Variants in CLSTN3 observed in about 807,000 individuals in gnomAD.
CLSTN3 encodes calsyntenin 3.
A neutral mutation model predicts 95.9 loss-of-function variants in CLSTN3; 36 were observed. The ratio of observed to expected loss-of-function variants is 0.38; its 90% CI spans 0.29 to 0.50. The LOEUF (loss-of-function observed/expected upper bound fraction) is 0.50, where lower values mean the gene tolerates loss of function less well. CLSTN3 is among the 20% of genes least tolerant of loss of function. The pLI, the probability that CLSTN3 is intolerant of heterozygous loss-of-function variation, is 0.95. For synonymous variants in CLSTN3, 481 were observed against 504.0 expected, an observed-to-expected ratio of 0.95 and a Z score of 0.61; for missense variants, 1,084 against 1,268.8, an observed-to-expected ratio of 0.85 and a Z score of 2.21.
chr12:7,145,556 C>A (rs753226305), intron 12 of CLSTN3, among the ~76,000 whole-genome samples: 5 of 151,682 alleles, frequency 3.3e-5, no homozygotes, highest in Non-Finnish European at 7.4e-5. Context: ...GCAAGTTTTC[C>A]TGAAGTTTTT....
At position 7,133,696 on chromosome 12, in the gene CLSTN3, A is replaced by G. The variant is rs1176268212; in HGVS notation, c.311A>G (p.Glu104Gly). ...CCTGTGGACTGCGAGGCCCAGAAGG[A>G]ACACACCTTCACCATCCAGGCCTAT... ...KEPVDCEAQKEHTFTIQAYDC... is the reference protein window; with the variant it reads ...KEPVDCEAQKGHTFTIQAYDC... Residue 104 changes from glutamate (E) to glycine (G), a missense_variant, in exon 3 of 18, where the codon GAA becomes GGA. Glu to Gly is a moderately conservative substitution (Grantham distance 98). Transcript: ENST00000266546. The surrounding 1 kb of genome is among the most constrained non-coding windows in gnomAD (Gnocchi z 4.7). 6.2e-7 allele frequency: 1 copy of G among 1,613,788 alleles called. No individual in the cohort carries two copies. The highest frequency in any genetic ancestry group is 8.5e-7 in the Non-Finnish European group (1 of 1,179,926).
At position 7,158,277 on chromosome 12, in the gene CLSTN3, T is replaced by G; in HGVS notation, c.*196T>G. The G allele has an allele frequency of 1.7e-6, 1 of 586,654 alleles. No individual in the cohort carries two copies. Among genetic ancestry groups the G allele is most frequent in the East Asian group, 3.1e-5 (1 of 32,332 alleles). 36.3% of individuals were successfully genotyped at this position (586,654 alleles called of 1,614,324 possible). On this transcript the variant is annotated 3_prime_UTR_variant, in exon 18 of 18. Transcript: ENST00000266546. Reference sequence around the variant, plus strand: ...CCTCCCCCGGCCCCCCATCCCTCACTTCTGGGCTGTCATGCTCCTGGTGTG... The same window carrying G: ...CCTCCCCCGGCCCCCCATCCCTCACGTCTGGGCTGTCATGCTCCTGGTGTG...
intron 5 of CLSTN3, 54 bp downstream of exon 5, chr12:7,136,007 T>C (rs1939407196): frequency 1.9e-6 from 3 of 1,557,280 alleles, no homozygotes; most frequent in Admixed American, 1.9e-5. Flanking sequence ...TCTTGGTCTC[T>C]CTTTCTGTCC....
intron 5 of CLSTN3, 24 bp from the exon 6 acceptor site, chr12:7,136,182 A>G (rs756419387): frequency 1.9e-5 from 30 of 1,607,982 alleles, no homozygotes; most frequent in Non-Finnish European, 2.3e-5. Context: ...TCTCCCCATC[A>G]CCCTCTCTGT....
intron 8 of CLSTN3, chr12:7,138,829 C>CAAAAAAAAAAAAAAAAAAA (rs5796259): frequency 2.3e-5 from 1 of 43,192 alleles, no homozygotes; most frequent in Non-Finnish European, 3.8e-5. Context: ...AAGCAAACGG[C>CAAAAAAAAAAAAAAAAAAA]AAAAAAAAAA....
At chr12:7,142,829 T>C in intron 10 of CLSTN3, 40 bp from the exon 11 acceptor site, 1 of 1,585,376 alleles carries the variant, frequency 6.3e-7, no homozygotes, top group Non-Finnish European at 8.6e-7. Context: ...CATCCTCCTC[T>C]CTTCTCACCT....
rs570643144 is a variant in CLSTN3, at chr12:7,154,674, C to T, written c.2528-2815C>T. 1.2e-4 allele frequency among the ~76,000 whole-genome samples: 18 copies of T among 152,212 alleles called. No homozygotes were observed. The South Asian group carries it at 3.7e-3, about 32-fold the overall frequency. On this transcript the variant is annotated intron_variant, in intron 16 of 17. Coordinates refer to ENST00000266546, the MANE Select transcript of CLSTN3 (RefSeq NM_014718.4). ...CCCTAGAATGTCTAGGGGGTGGGAG[C>T]CACGTGTCAGTGGTTTTTAAAAATC...
At chr12:7,151,735 C>A (rs987297088) in intron 16 of CLSTN3, among the ~76,000 whole-genome samples, 2 of 151,952 alleles carry the variant, frequency 1.3e-5, no homozygotes, top group Non-Finnish European at 2.9e-5. Context: ...GTAGAAAAAC[C>A]AGAAAATATC....
chr12:7,129,918 A>G (rs1939246835), upstream of CLSTN3: 1 of 567,306 alleles, frequency 1.8e-6, no homozygotes, highest in African/African-American at 2.0e-5. The surrounding 1 kb of genome is among the most constrained non-coding windows in gnomAD (Gnocchi z 5.5). Flanking sequence ...GCTTCCTCGC[A>G]GCCCTGGGCT....
chr12:7,133,214 A>C lies in CLSTN3; in HGVS notation c.187+68A>C. 4.5e-5 allele frequency: 32 copies of C among 715,806 alleles called. No homozygotes were observed. The highest frequency in any genetic ancestry group is 7.8e-5 in the East Asian group (2 of 25,584). 44.3% of individuals were successfully genotyped at this position (715,806 alleles called of 1,614,324 possible). A position where few individuals can be genotyped will look rare whatever the true frequency, so the allele number is the denominator to read the frequency against. On this transcript the variant is annotated intron_variant, in intron 2 of 17. Transcript: ENST00000266546. The surrounding 1 kb of genome is among the most constrained non-coding windows in gnomAD (Gnocchi z 4.7). Reference sequence around the variant, plus strand: ...AAAGTGGGTGGGAGGGCCAAGAGCAAGGGAGGGAGGGAAGGTCCTGGGAGT... The same window carrying C: ...AAAGTGGGTGGGAGGGCCAAGAGCACGGGAGGGAGGGAAGGTCCTGGGAGT...
Position 7,136,318 on chromosome 12 carries a change from G to C in CLSTN3, c.855G>C (p.Glu285Asp). The change falls in exon 6 of 18, where the codon GAG becomes GAC. Residue 285 changes from glutamate to aspartate, a missense_variant. Glu to Asp is a conservative substitution (Grantham distance 45, BLOSUM62 2). Transcript: ENST00000266546. ...EPLWNIQATI[E>D]LQTSHVAKGC... Reference sequence around the variant, plus strand: ...TCTGGAACATTCAGGCCACCATAGAGCTGCAGACCAGCCATGTGGCCAAGG... The same window carrying C: ...TCTGGAACATTCAGGCCACCATAGACCTGCAGACCAGCCATGTGGCCAAGG... 6.2e-7 allele frequency: 1 copy of C among 1,614,202 alleles called. No homozygotes were observed. The highest frequency in any genetic ancestry group is 1.1e-5 in the South Asian group (1 of 91,080).
rs56109046 is a variant in CLSTN3 at position 7,147,396 on chromosome 12, C to CAAAAAA, written c.1848-1552_1848-1547dup. Among the ~76,000 whole-genome samples the CAAAAAA allele has an allele frequency of 3.0e-3, 153 of 50,560 alleles. 2 individuals are homozygous for CAAAAAA. The highest frequency in any genetic ancestry group is 7.4e-3 in the South Asian group (5 of 678). The allele number at this position is 50,560 out of a possible 152,430, so 33.2% of individuals were successfully genotyped here. On this transcript the variant is annotated intron_variant, in intron 12 of 17. Transcript: ENST00000266546. ...CCTGGGCAACAGAGAGAGACTCTGC[C>CAAAAAA]AAAAAAAAAAAAAAAAAAAAAAAAA...
In CLSTN3 at chr12:7,137,141, G is replaced by A. The variant is rs761333916; in HGVS notation, c.1210+31G>A. ...CCTCCCCTCCAGGCACTAGCCAGAG[G>A]GGGAAACTGGCTTCTTGTCCCGCCT... On this transcript the variant is annotated intron_variant, in intron 7 of 17. Transcript: ENST00000266546. The surrounding 1 kb of genome is among the most constrained non-coding windows in gnomAD (Gnocchi z 4.4). 6.4e-6 allele frequency: 10 copies of A among 1,570,332 alleles called. No homozygotes were observed. The African/African-American group carries it at 1.3e-4, about 21-fold the overall frequency.
rs750884839 is a variant in CLSTN3, at chr12:7,142,828, C to G, written c.1541-41C>G. 6.3e-6 allele frequency: 10 copies of G among 1,586,950 alleles called. No individual in the cohort carries two copies. In the Admixed American group the frequency reaches 1.7e-4, roughly 27 times the overall value. On this transcript the variant is annotated intron_variant, in intron 10 of 17. Transcript: ENST00000266546. ...AGCCTTCGTCCTTTTCCATCCTCCT[C>G]TCTTCTCACCTCCCGTCCTGCTCCT...
At chr12:7,138,321 A>G (rs1018784390) in intron 8 of CLSTN3, among the ~76,000 whole-genome samples, 1 of 151,928 alleles carries the variant, frequency 6.6e-6, no homozygotes, top group Admixed American at 6.6e-5. Context: ...TCGACCAACC[A>G]TCTATTTCCT....
rs149562948 is a variant in CLSTN3 at position 7,143,219 on chromosome 12, C to T, written c.1755C>T (p.Thr585=). 49 of 1,614,136 alleles carry T rather than the reference C, an allele frequency of 3.0e-5. No individual in the cohort carries two copies. In the African/African-American group the frequency reaches 6.1e-4, roughly 20 times the overall value. ...LLTLEGDDVE[T]FNHALQHVAY... is the part of the protein sequence containing the mutation. ...CCCTGGAGGGGGATGATGTGGAGACCTTCAACCATGCCCTGCAGCATGTGG... is the reference window on the plus strand; with the variant it reads ...CCCTGGAGGGGGATGATGTGGAGACTTTCAACCATGCCCTGCAGCATGTGG... The change falls in exon 12 of 18, where the codon ACC becomes ACT. Residue 585 remains threonine (T), a synonymous_variant. Coordinates refer to ENST00000266546, the MANE Select transcript of CLSTN3 (RefSeq NM_014718.4).
chr12:7,137,167 C>T lies in CLSTN3; in HGVS notation c.1210+57C>T. The T allele has an allele frequency of 6.5e-7, 1 of 1,528,862 alleles. No homozygotes were observed. 94.7% of individuals were successfully genotyped at this position (1,528,862 alleles called of 1,614,324 possible). On this transcript the variant is annotated intron_variant, in intron 7 of 17. Coordinates refer to ENST00000266546, the MANE Select transcript of CLSTN3 (RefSeq NM_014718.4). The surrounding 1 kb of genome is among the most constrained non-coding windows in gnomAD (Gnocchi z 4.4). Reference sequence around the variant, plus strand: ...GGGAAACTGGCTTCTTGTCCCGCCTCTGTCACTGCCCAGTGTGTGACTGTG... The same window carrying T: ...GGGAAACTGGCTTCTTGTCCCGCCTTTGTCACTGCCCAGTGTGTGACTGTG...
At chr12:7,148,883 G>T in intron 12 of CLSTN3, 89 bp from the exon 13 acceptor site, 1 of 1,069,852 alleles carries the variant, frequency 9.3e-7, no homozygotes, top group Non-Finnish European at 1.4e-6. Context: ...CTATGATAGA[G>T]GTAGCTGGGG....
chr12:7,148,191 A>AGAAG (rs1555169009), intron 12 of CLSTN3, among the ~76,000 whole-genome samples: 2 of 144,586 alleles, frequency 1.4e-5, no homozygotes, highest in Non-Finnish European at 3.0e-5. Flanking sequence ...AAAGAAAGAA[A>AGAAG]GAAAGAAAGA....
Sources: allele counts gnomAD v4.1 joint callset (sites outside exome capture counted in the v4.1 genomes callset), GRCh38; gene constraint gnomAD v4.1.1; non-coding constraint Gnocchi (gnomAD v3.1); transcripts MANE v1.5; gene names NCBI Gene and HGNC (gene_info 2026-07-23, HGNC 2026-07-21).